The following ITGBL1 variants were observed in gnomAD, a reference collection of about 807,000 sequenced individuals.
The protein encoded by ITGBL1 is integrin beta-like protein 1.
In ITGBL1, 51 loss-of-function variants were observed where a neutral mutation model predicts 68.5. The observed-to-expected ratio is 0.74, with a 90% confidence interval of 0.59 to 0.94. The LOEUF is 0.94. Among genes scored for constraint, ITGBL1 ranks in the 40% least tolerant of loss-of-function variants. ITGBL1 has a pLI of 0.00. For synonymous variants in ITGBL1, 209 were observed against 227.3 expected (o/e 0.92, Z 0.72); for missense variants, 649 against 647.4 (o/e 1.00, Z -0.03).
intron 7 of ITGBL1, among the ~76,000 whole-genome samples, chr13:101,626,660 T>G (rs1456705943): frequency 6.6e-6 from 1 of 152,198 alleles, no homozygotes; most frequent in Non-Finnish European, 1.5e-5. Flanking sequence ...GGATTTGAAT[T>G]TAAATTAAAA....
intron 7 of ITGBL1, among the ~76,000 whole-genome samples, chr13:101,658,183 G>A (rs1028969406): frequency 1.1e-4 from 17 of 152,130 alleles, no homozygotes; most frequent in Admixed American, 5.9e-4. Flanking sequence ...CATATTTTGG[G>A]ATAAAGTTCA....
intron 2 of ITGBL1, among the ~76,000 whole-genome samples, chr13:101,565,190 T>G (rs2050164623): frequency 6.6e-6 from 1 of 152,052 alleles, no homozygotes; most frequent in Non-Finnish European, 1.5e-5. Flanking sequence ...AAAAATGAGG[T>G]GTTTTTTGAA....
rs1382058887 is a variant in ITGBL1 at position 101,617,667 on chromosome 13, G to C, written c.1015+19368G>C. Among the ~76,000 whole-genome samples the C allele has an allele frequency of 2.0e-5, 3 of 152,172 alleles. No homozygotes were observed. In the East Asian group the frequency reaches 5.8e-4, roughly 29 times the overall value. Reference sequence around the variant, plus strand: ...TAGAAATTTAATAAAAAATATAATTGATGTTTTGCATTTCCTACATGACTC... The same window carrying C: ...TAGAAATTTAATAAAAAATATAATTCATGTTTTGCATTTCCTACATGACTC... On this transcript the variant is annotated intron_variant, in intron 7 of 10. Transcript: ENST00000376180.
In ITGBL1 at chr13:101,715,683, A is replaced by G; in HGVS notation, c.*29A>G. On this transcript the variant is annotated 3_prime_UTR_variant, in exon 11 of 11. Transcript: ENST00000376180. ...TTACATGAGAGAGGTCTGGATTCTT[A>G]TTTTTTCTGGGCCATTAGAACAGAT... 6.8e-7 allele frequency: 1 copy of G among 1,464,502 alleles called. No individual in the cohort carries two copies. Among genetic ancestry groups the G allele is most frequent in the Non-Finnish European group, 9.6e-7 (1 of 1,043,726 alleles). 90.7% of individuals were successfully genotyped at this position (1,464,502 alleles called of 1,614,324 possible).
chr13:101,630,801 T>C (rs1484124399), intron 7 of ITGBL1, among the ~76,000 whole-genome samples: 4 of 152,220 alleles, frequency 2.6e-5, no homozygotes, highest in Non-Finnish European at 5.9e-5. Context: ...TGTTATCTCT[T>C]TCTTACCTGC....
intron 3 of ITGBL1, among the ~76,000 whole-genome samples, chr13:101,570,758 A>G (rs922893392): frequency 6.6e-6 from 1 of 152,100 alleles, no homozygotes; most frequent in Non-Finnish European, 1.5e-5. Flanking sequence ...GTCCCTAGTT[A>G]TATAATTATA....
At chr13:101,563,625 A>G (rs757432263) in intron 2 of ITGBL1, among the ~76,000 whole-genome samples, 3 of 151,880 alleles carry the variant, frequency 2.0e-5, no homozygotes, top group South Asian at 2.1e-4. Flanking sequence ...TGAATAGCCA[A>G]TATTGGTCAA....
At chr13:101,700,982 T>C (rs1024863931) in intron 8 of ITGBL1, among the ~76,000 whole-genome samples, 2 of 152,210 alleles carry the variant, frequency 1.3e-5, no homozygotes, top group Admixed American at 6.5e-5. Flanking sequence ...GTAATTACCA[T>C]GAAGACAGGG....
intron 2 of ITGBL1, among the ~76,000 whole-genome samples, chr13:101,549,545 C>A (rs1478344767): frequency 6.6e-6 from 1 of 151,820 alleles, no homozygotes; most frequent in Non-Finnish European, 1.5e-5. Context: ...AAACAACATA[C>A]AGAATTGAAT....
At chr13:101,463,198 T>G (rs970389705) in intron 2 of ITGBL1, among the ~76,000 whole-genome samples, 1 of 152,202 alleles carries the variant, frequency 6.6e-6, no homozygotes, top group African/African-American at 2.4e-5. Context: ...GATATTTATT[T>G]TCAAATAAGC....
intron 2 of ITGBL1, among the ~76,000 whole-genome samples, chr13:101,503,096 G>A (rs1375503893): frequency 1.3e-5 from 2 of 152,176 alleles, no homozygotes; most frequent in Non-Finnish European, 1.5e-5. Flanking sequence ...CCACCAGCCA[G>A]ATGTCATATT....
intron 2 of ITGBL1, among the ~76,000 whole-genome samples, chr13:101,478,338 C>T (rs2048566954): frequency 1.3e-5 from 2 of 151,902 alleles, no homozygotes; most frequent in African/African-American, 4.8e-5. Context: ...AACTTCAACA[C>T]AATAAAAGCC....
chr13:101,549,292 C>A (rs914314244), intron 2 of ITGBL1, among the ~76,000 whole-genome samples: 1 of 151,754 alleles, frequency 6.6e-6, no homozygotes, highest in East Asian at 1.9e-4. Flanking sequence ...TATTATCTTA[C>A]AGTATAAAAT....
At chr13:101,695,590 A>G (rs2033984012) in intron 8 of ITGBL1, among the ~76,000 whole-genome samples, 2 of 152,152 alleles carry the variant, frequency 1.3e-5, no homozygotes, top group South Asian at 4.1e-4. Context: ...TTGGTAGGTG[A>G]ATCTGGATGT....
intron 7 of ITGBL1, among the ~76,000 whole-genome samples, chr13:101,661,169 G>C (rs1468704192): frequency 1.3e-5 from 2 of 151,842 alleles, no homozygotes; most frequent in African/African-American, 4.8e-5. Flanking sequence ...ACAATATCCA[G>C]TCTAAAGTAC....
In ITGBL1 at chr13:101,692,649, TTG is replaced by T; in HGVS notation, c.1083_1084del (p.Cys361Ter). ...PGDRRVYGKTCECDDRRCEDL... is the reference protein window; with the variant it reads ...PGDRRVYGKTXECDDRRCEDL... ...GAGATCGCCGGGTGTATGGCAAGAC[TTG>T]TGAGTGTGATGATCGCCGCTGTGAA... On this transcript the variant is annotated frameshift_variant, in exon 8 of 11. Coordinates refer to ENST00000376180, the MANE Select transcript of ITGBL1 (RefSeq NM_004791.3). LOFTEE classifies it high-confidence loss of function. 6.2e-7 allele frequency: 1 copy of T among 1,613,852 alleles called. No individual in the cohort carries two copies. Among genetic ancestry groups the T allele is most frequent in the South Asian group, 1.1e-5 (1 of 91,076 alleles).
At chr13:101,496,584 T>A (rs2048860679) in intron 2 of ITGBL1, among the ~76,000 whole-genome samples, 1 of 152,200 alleles carries the variant, frequency 6.6e-6, no homozygotes, top group Non-Finnish European at 1.5e-5. Context: ...TCTCATCTTA[T>A]TGGTTTTTTA....
At chr13:101,617,186 AG>A (rs1375239361) in intron 7 of ITGBL1, among the ~76,000 whole-genome samples, 1 of 152,176 alleles carries the variant, frequency 6.6e-6, no homozygotes, top group African/African-American at 2.4e-5. Flanking sequence ...ATTATTCAAA[AG>A]GTAGTCAAAC....
At chr13:101,525,581 C>A (rs2049362811) in intron 2 of ITGBL1, among the ~76,000 whole-genome samples, 1 of 150,856 alleles carries the variant, frequency 6.6e-6, no homozygotes, top group Admixed American at 6.6e-5. Flanking sequence ...TTCCACTATT[C>A]CAGATGAATT....
Sources: allele counts gnomAD v4.1 joint callset (sites outside exome capture counted in the v4.1 genomes callset), GRCh38; gene constraint gnomAD v4.1.1; transcripts MANE v1.5; gene names NCBI Gene and HGNC (gene_info 2026-07-23, HGNC 2026-07-21).